Variants in FAM13B observed in about 807,000 individuals in gnomAD.
FAM13B encodes the protein protein FAM13B.
Under a neutral mutation model 117.3 loss-of-function variants are expected in FAM13B, and 60 were observed. The observed-to-expected ratio is 0.51, with a 90% CI of 0.42 to 0.63. The LOEUF is 0.63. Ranked by LOEUF, FAM13B falls within the 30% of genes least tolerant of loss-of-function variation. The pLI, the probability that FAM13B is intolerant of heterozygous loss-of-function variation, is 0.00. For synonymous variants in FAM13B, 332 were observed against 356.1 expected (o/e 0.93, Z 0.76); for missense variants, 972 against 1,091.9 (o/e 0.89, Z 1.55).
At position 138,011,154 on chromosome 5, in the gene FAM13B, G is replaced by A; in HGVS notation, c.549-5C>T. On this transcript the variant is annotated splice_polypyrimidine_tract_variant and splice_region_variant and intron_variant, in intron 5 of 23. Coordinates refer to ENST00000689681, the MANE Select transcript of FAM13B (RefSeq NM_001385994.1). ...TCTTCCACATCTGTGTAAATGCTAA[G>A]AATAGAAGTCCAAATTGAATTGAGA... 1 of 1,594,008 alleles carries A rather than the reference G, an allele frequency of 6.3e-7. No individual in the cohort carries two copies. The highest frequency in any genetic ancestry group is 8.5e-7 in the Non-Finnish European group (1 of 1,175,284).
intron 10 of FAM13B, among the ~76,000 whole-genome samples, chr5:137,971,463 T>A: frequency 7.0e-6 from 1 of 143,696 alleles, no homozygotes; most frequent in African/African-American, 2.6e-5. Flanking sequence ...TTCAAAGCAG[T>A]GTGTAGAGGG....
intron 14 of FAM13B, 25 bp from the exon 15 acceptor site, chr5:137,954,401 T>C (rs1474177914): frequency 3.2e-6 from 5 of 1,578,882 alleles, no homozygotes; most frequent in Middle Eastern, 1.8e-4. Context: ...CAAAGAATAG[T>C]ACCATGGGTC....
intron 10 of FAM13B, among the ~76,000 whole-genome samples, chr5:137,982,697 G>A (rs945197200): frequency 4.6e-5 from 7 of 152,092 alleles, no homozygotes; most frequent in South Asian, 4.1e-4. Context: ...TTATTCATCC[G>A]CACCACTGTC....
chr5:137,945,893 T>C lies in FAM13B; in HGVS notation c.2340+9A>G. On this transcript the variant is annotated intron_variant, in intron 20 of 23. Coordinates refer to ENST00000689681, the MANE Select transcript of FAM13B (RefSeq NM_001385994.1). ...AATGAACCAGAGAATTATTGCTTAT[T>C]TTACTTACAAGGACAGGAGTGATGC... 2 of 1,595,478 alleles carry C rather than the reference T, an allele frequency of 1.3e-6. No individual in the cohort carries two copies. The highest frequency in any genetic ancestry group is 1.7e-6 in the Non-Finnish European group (2 of 1,166,990).
rs1760978463 is a variant in FAM13B, at chr5:137,939,228, A to AAAAAAAAAAGAT, written c.*985_*996dup. 1 of 149,566 alleles carries AAAAAAAAAAGAT rather than the reference A, an allele frequency of 6.7e-6. No homozygotes were observed. 9.3% of individuals were successfully genotyped at this position (149,566 alleles called of 1,614,324 possible). The stretch of plus-strand genomic sequence containing the variant: ...TTTTGCTGATTAAAATAGGAGGGGA[A>AAAAAAAAAAGAT]AAAAAAAAAGATAACCCCCTGAAGG... On this transcript the variant is annotated 3_prime_UTR_variant, in exon 24 of 24. Transcript: ENST00000689681.
rs534758256 is a variant in FAM13B, at chr5:138,005,272, TTAAAACACC to T, written c.848+1709_848+1717del. On this transcript the variant is annotated intron_variant, in intron 7 of 23. Coordinates refer to ENST00000689681, the MANE Select transcript of FAM13B (RefSeq NM_001385994.1). Reference sequence around the variant, plus strand: ...TAATAAATTAATTAATTAACAAAATTTAAAACACCCATTTAAATCTATTGCTGTAAGGTC... The same window carrying T: ...TAATAAATTAATTAATTAACAAAATTCATTTAAATCTATTGCTGTAAGGTC... Among the ~76,000 whole-genome samples the T allele has an allele frequency of 1.2e-3, 186 of 152,172 alleles. 3 individuals are homozygous for T. Among genetic ancestry groups the T allele is most frequent in the Middle Eastern group, 0.01 (3 of 294 alleles).
intron 11 of FAM13B, among the ~76,000 whole-genome samples, chr5:137,961,314 AAAC>A (rs56832242): frequency 0.28 from 42,795 of 151,122 alleles, 6,368 homozygotes; most frequent in South Asian, 0.38. Flanking sequence ...CTTTTTCCAA[AAAC>A]AACAACAACA....
At chr5:138,013,061 A>C (rs1269804231) in intron 4 of FAM13B, among the ~76,000 whole-genome samples, 5 of 151,910 alleles carry the variant, frequency 3.3e-5, no homozygotes, top group African/African-American at 7.3e-5. Context: ...AAATTAGCTG[A>C]GTGTACTGGC....
At chr5:138,003,688 T>C (rs1050485156) in intron 7 of FAM13B, among the ~76,000 whole-genome samples, 4 of 152,130 alleles carry the variant, frequency 2.6e-5, no homozygotes, top group African/African-American at 4.8e-5. Context: ...ACGCTGGCCA[T>C]GGGAATAGAG....
intron 17 of FAM13B, 29 bp from the exon 18 acceptor site, chr5:137,949,213 T>G: frequency 6.4e-7 from 1 of 1,572,910 alleles, no homozygotes; most frequent in Non-Finnish European, 8.7e-7. Flanking sequence ...GACAGATCAG[T>G]AATAATTGGT....
At chr5:137,985,577 C>T (rs1333900960) in intron 9 of FAM13B, among the ~76,000 whole-genome samples, 188 bp from the exon 10 acceptor site, 2 of 152,156 alleles carry the variant, frequency 1.3e-5, no homozygotes, top group African/African-American at 2.4e-5. Context: ...TTTGTCTCCT[C>T]GGGATGTTGT....
chr5:137,951,209 CAAAAAAAAAAAAA>C (rs1158310740), intron 17 of FAM13B, among the ~76,000 whole-genome samples: 6 of 63,242 alleles, frequency 9.5e-5, no homozygotes, highest in Middle Eastern at 0.018. Context: ...CTGTCTCAAA[CAAAAAAAAAAAAA>C]AAAAAAAAAA....
intron 7 of FAM13B, among the ~76,000 whole-genome samples, chr5:137,997,334 T>C (rs1780116619): frequency 6.6e-6 from 1 of 152,078 alleles, no homozygotes; most frequent in Admixed American, 6.5e-5. Flanking sequence ...CTGGGCCTGG[T>C]GGCAGGCACC....
intron 7 of FAM13B, among the ~76,000 whole-genome samples, chr5:138,006,121 T>C (rs1782502031): frequency 6.6e-6 from 1 of 152,050 alleles, no homozygotes; most frequent in Non-Finnish European, 1.5e-5. Flanking sequence ...ATGGTCTCGA[T>C]CTCCTGACCT....
intron 4 of FAM13B, among the ~76,000 whole-genome samples, chr5:138,013,910 A>G (rs376884129): frequency 9.2e-5 from 14 of 152,214 alleles, no homozygotes; most frequent in African/African-American, 3.4e-4. Context: ...ATCTTCCCTT[A>G]TCCCCTATAG....
chr5:138,007,143 T>G lies in FAM13B; in HGVS notation c.695A>C (p.Asn232Thr), dbSNP rs1782752709. 1 of 1,595,518 alleles carries G rather than the reference T, an allele frequency of 6.3e-7. No homozygotes were observed. The highest frequency in any genetic ancestry group is 8.5e-7 in the Non-Finnish European group (1 of 1,173,136). ...TTCCTCTTCTTCCTCAGAAAGTTCA[T>G]TAACCTATATAAATAAAAAGAAATT... Reference protein sequence around the residue: ...NDLSSITEQVNELSEEEEEDE... With the variant: ...NDLSSITEQVTELSEEEEEDE... Residue 232 changes from asparagine (N) to threonine (T), a missense_variant, in exon 7 of 24, where the codon AAT (asparagine) becomes ACT (threonine). Coordinates refer to ENST00000689681, the MANE Select transcript of FAM13B (RefSeq NM_001385994.1).
intron 4 of FAM13B, among the ~76,000 whole-genome samples, chr5:138,013,945 A>C (rs1484378477): frequency 6.6e-6 from 1 of 151,946 alleles, no homozygotes; most frequent in Admixed American, 6.6e-5. Context: ...GAGCGCAGAG[A>C]TATTTTTTTC....
At chr5:137,959,898 T>C in intron 12 of FAM13B, 135 bp from the exon 13 acceptor site, 5 of 785,260 alleles carry the variant, frequency 6.4e-6, no homozygotes, top group Non-Finnish European at 1.0e-5. Flanking sequence ...CCACTCCCAC[T>C]GTGCAAACTA....
At chr5:138,038,892 A>G (rs527518157) in intron 1 of FAM13B, among the ~76,000 whole-genome samples, 67 of 152,348 alleles carry the variant, frequency 4.4e-4, no homozygotes, top group Admixed American at 1.4e-3. Flanking sequence ...GAAAAGCTTC[A>G]TCTTACATAT....
Sources: allele counts gnomAD v4.1 joint callset (sites outside exome capture counted in the v4.1 genomes callset), GRCh38; gene constraint gnomAD v4.1.1; transcripts MANE v1.5; gene names NCBI Gene and HGNC (gene_info 2026-07-23, HGNC 2026-07-21).